PTPRN2: variants seen among roughly 807,000 people sequenced by gnomAD.
PTPRN2 encodes the protein receptor-type tyrosine-protein phosphatase N2.
In PTPRN2, 74 loss-of-function variants were observed where a neutral mutation model predicts 118.8. The observed-to-expected ratio is 0.62, with a 90% CI of 0.52 to 0.76. The LOEUF (loss-of-function observed/expected upper bound fraction) is 0.76. Among genes scored for constraint, PTPRN2 ranks in the 30% least tolerant of loss-of-function variants. PTPRN2 has a pLI of 0.00. For synonymous variants in PTPRN2, 641 were observed against 608.0 expected (o/e 1.05, Z -0.80); for missense variants, 1,481 against 1,394.4 (o/e 1.06, Z -0.99).
chr7:158,440,288 C>T (rs921517090), intron 2 of PTPRN2, among the ~76,000 whole-genome samples: 6 of 152,218 alleles, frequency 3.9e-5, no homozygotes, highest in Admixed American at 6.5e-5. Context: ...ATGGATTGTC[C>T]GTTCCATTCG....
At chr7:157,604,181 C>T in intron 15 of PTPRN2, 106 bp from the exon 16 acceptor site, 1 of 982,440 alleles carries the variant, frequency 1.0e-6, no homozygotes, top group Non-Finnish European at 1.6e-6. Flanking sequence ...GGACCCCTGC[C>T]CAGCCTCCAG....
intron 5 of PTPRN2, among the ~76,000 whole-genome samples, chr7:158,184,681 G>A (rs1824992957): frequency 6.6e-6 from 1 of 152,106 alleles, no homozygotes; most frequent in Non-Finnish European, 1.5e-5. Flanking sequence ...GCATGGTGGT[G>A]GGTGCCTATA....
At chr7:157,806,589 C>T (rs531203936) in intron 12 of PTPRN2, among the ~76,000 whole-genome samples, 8 of 152,154 alleles carry the variant, frequency 5.3e-5, no homozygotes, top group African/African-American at 1.7e-4. Flanking sequence ...TATGCGTGTA[C>T]ATCTGTGTGC....
At chr7:158,109,837 G>C (rs1220308612) in intron 10 of PTPRN2, among the ~76,000 whole-genome samples, 1 of 151,944 alleles carries the variant, frequency 6.6e-6, no homozygotes, top group African/African-American at 2.4e-5. Context: ...CCCGTGTAAA[G>C]AGTCAGTGAG....
chr7:157,686,499 C>T (rs1294271779), intron 12 of PTPRN2, among the ~76,000 whole-genome samples: 1 of 152,198 alleles, frequency 6.6e-6, no homozygotes, highest in African/African-American at 2.4e-5. Flanking sequence ...GTTTGAGGCA[C>T]AGTCTTGACC....
intron 2 of PTPRN2, among the ~76,000 whole-genome samples, chr7:158,322,732 G>A (rs10266663): frequency 0.88 from 134,165 of 152,280 alleles, 60,055 homozygotes; most frequent in Non-Finnish European, 0.96. Flanking sequence ...CAGAGCCTGC[G>A]GGAATCAGAG....
chr7:158,231,924 A>C (rs993069827), intron 3 of PTPRN2, among the ~76,000 whole-genome samples: 4 of 152,212 alleles, frequency 2.6e-5, no homozygotes, highest in Non-Finnish European at 5.9e-5. Context: ...GAAACAAATG[A>C]AAATTGAAAT....
chr7:157,829,677 C>T (rs556359713), intron 12 of PTPRN2, among the ~76,000 whole-genome samples: 17 of 152,332 alleles, frequency 1.1e-4, no homozygotes, highest in Admixed American at 7.8e-4. Flanking sequence ...AGAGCATGAC[C>T]GTGCACCCAC....
Position 157,629,210 on chromosome 7 carries a change from C to T in PTPRN2, c.2197-7701G>A, listed in dbSNP as rs1031254370. On this transcript the variant is annotated intron_variant, in intron 14 of 22. Coordinates refer to ENST00000389418, the MANE Select transcript of PTPRN2 (RefSeq NM_002847.5). This position sits in a 1 kb window ranked among gnomAD's most constrained non-coding sequence, Gnocchi z 4.4. ...CACTGGGATCCTGGGTCAGCCAATG[C>T]TGATTCACCTGTTCCTGCAGACCCT... Among the ~76,000 whole-genome samples the T allele has an allele frequency of 6.6e-6, 1 of 152,094 alleles. No individual in the cohort carries two copies. The highest frequency in any genetic ancestry group is 1.9e-4 in the East Asian group (1 of 5,184).
At chr7:158,449,992 C>T (rs773064892) in intron 2 of PTPRN2, among the ~76,000 whole-genome samples, 1 of 152,224 alleles carries the variant, frequency 6.6e-6, no homozygotes, top group Admixed American at 6.5e-5. Flanking sequence ...CACACAGAAA[C>T]GTCCTCATGG....
At chr7:158,329,004 T>A (rs943658422) in intron 2 of PTPRN2, among the ~76,000 whole-genome samples, 22 of 151,230 alleles carry the variant, frequency 1.5e-4, no homozygotes, top group African/African-American at 5.1e-4. Flanking sequence ...AGATTGTGGG[T>A]GTGAGTGACA....
chr7:158,346,563 A>G (rs1290574499), intron 2 of PTPRN2, among the ~76,000 whole-genome samples: 1 of 152,214 alleles, frequency 6.6e-6, no homozygotes, highest in African/African-American at 2.4e-5. Context: ...CATTGTGGAC[A>G]GTGCTGCAGT....
At chr7:157,811,843 C>A (rs1806062399) in intron 12 of PTPRN2, among the ~76,000 whole-genome samples, 1 of 152,086 alleles carries the variant, frequency 6.6e-6, no homozygotes, top group Admixed American at 6.5e-5. Flanking sequence ...GGGTCTAGAC[C>A]AAAGCTGAGG....
chr7:158,296,574 C>G (rs1330075605), intron 3 of PTPRN2, among the ~76,000 whole-genome samples: 3 of 152,180 alleles, frequency 2.0e-5, no homozygotes, highest in Non-Finnish European at 4.4e-5. Flanking sequence ...ACTAAAAAAG[C>G]ACCCTGTAAC....
chr7:158,005,549 T>G (rs1585186935), intron 11 of PTPRN2, among the ~76,000 whole-genome samples: 1 of 152,250 alleles, frequency 6.6e-6, no homozygotes, highest in East Asian at 1.9e-4. Context: ...TAGGGGCTAG[T>G]AAAGCCCACT....
intron 4 of PTPRN2, among the ~76,000 whole-genome samples, chr7:158,200,521 C>T (rs1277159447): frequency 3.3e-5 from 5 of 152,098 alleles, no homozygotes; most frequent in East Asian, 1.9e-4. Flanking sequence ...TGAAGTAATA[C>T]AATTGACACA....
chr7:158,010,775 C>T (rs1177278911), intron 11 of PTPRN2, among the ~76,000 whole-genome samples: 4 of 152,166 alleles, frequency 2.6e-5, no homozygotes, highest in African/African-American at 4.8e-5. Context: ...CTGCCTTACA[C>T]ACAGTAAACA....
chr7:158,199,491 T>C (rs560825956), intron 4 of PTPRN2, among the ~76,000 whole-genome samples: 59 of 152,366 alleles, frequency 3.9e-4, no homozygotes, highest in Non-Finnish European at 8.1e-4. Context: ...CTGGGGATTC[T>C]GAAGACTTCA....
intron 10 of PTPRN2, among the ~76,000 whole-genome samples, chr7:158,096,569 T>C (rs1814640761): frequency 6.6e-6 from 1 of 152,238 alleles, no homozygotes; most frequent in Non-Finnish European, 1.5e-5. Flanking sequence ...ACGGGGAGTT[T>C]TGACGTACTG....
Sources: gnomAD v4.1 joint callset for allele counts (sites outside exome capture counted in the v4.1 genomes callset) on GRCh38, gnomAD v4.1.1 for gene constraint, Gnocchi (gnomAD v3.1) non-coding constraint, MANE v1.5 for transcripts, NCBI Gene and HGNC (gene_info 2026-07-23, HGNC 2026-07-21) for gene names.